Variants in KIAA1549L observed in about 807,000 individuals in gnomAD.
KIAA1549L encodes KIAA1549 like.
A neutral mutation model predicts 160.7 loss-of-function variants in KIAA1549L; 88 were observed. The observed-to-expected ratio is 0.55, with a 90% CI of 0.46 to 0.65. KIAA1549L has a LOEUF of 0.65. Ranked by LOEUF, KIAA1549L falls within the 30% of genes least tolerant of loss-of-function variation. KIAA1549L has a pLI of 0.00. For synonymous variants in KIAA1549L, 950 were observed against 976.7 expected, an observed-to-expected ratio of 0.97 and a Z score of 0.51; for missense variants, 2,258 against 2,437.5, an observed-to-expected ratio of 0.93 and a Z score of 1.55.
intron 1 of KIAA1549L, among the ~76,000 whole-genome samples, chr11:33,481,017 T>C (rs1852401122): frequency 6.6e-6 from 1 of 152,244 alleles, no homozygotes; most frequent in Admixed American, 6.5e-5. Flanking sequence ...TTTGTACTTA[T>C]TTTAGTTTAA....
intron 11 of KIAA1549L, among the ~76,000 whole-genome samples, chr11:33,588,110 T>G (rs897314501): frequency 6.6e-6 from 1 of 152,226 alleles, no homozygotes; most frequent in Non-Finnish European, 1.5e-5. Flanking sequence ...GAACTCATGA[T>G]AATACCTACC....
At chr11:33,478,483 A>G (rs1852340602) in intron 1 of KIAA1549L, among the ~76,000 whole-genome samples, 2 of 152,190 alleles carry the variant, frequency 1.3e-5, no homozygotes, top group South Asian at 4.1e-4. Context: ...CGGATTTCAG[A>G]GCTGATGGGC....
chr11:33,627,695 A>T (rs995743944), intron 16 of KIAA1549L, among the ~76,000 whole-genome samples: 5 of 152,158 alleles, frequency 3.3e-5, no homozygotes, highest in African/African-American at 1.2e-4. Context: ...TCTTGCTAAT[A>T]AACAAAATCT....
chr11:33,450,554 C>T (rs1851698902), intron 1 of KIAA1549L: 2 of 149,608 alleles, frequency 1.3e-5, no homozygotes, highest in Non-Finnish European at 2.9e-5. Context: ...AGTGAGACAC[C>T]CTGTCTCTTA....
At chr11:33,409,779 T>G (rs996687332) in intron 1 of KIAA1549L, among the ~76,000 whole-genome samples, 191 of 151,974 alleles carry the variant, frequency 1.3e-3, no homozygotes, top group Non-Finnish European at 2.1e-3. Flanking sequence ...TTTTTTTTTT[T>G]TTTTTCCTGC....
rs1296497123 is a variant in KIAA1549L, at chr11:33,376,254, G to C, written c.-398G>C. Among the ~76,000 whole-genome samples the C allele has an allele frequency of 6.7e-6, 1 of 148,644 alleles. No homozygotes were observed. Among genetic ancestry groups the C allele is most frequent in the African/African-American group, 2.4e-5 (1 of 40,924 alleles). On this transcript the variant is annotated 5_prime_UTR_variant, in exon 1 of 21. Coordinates refer to ENST00000658780, the MANE Select transcript of KIAA1549L (RefSeq NM_012194.3). The surrounding 1 kb of genome is among the most constrained non-coding windows in gnomAD (Gnocchi z 5.8). ...CCGAGGCTGCAGCGGCGGCGGGAGG[G>C]AGGGACCCGAGCGCGCCCCGCGGCC...
chr11:33,588,400 T>C (rs1565199937), intron 11 of KIAA1549L, among the ~76,000 whole-genome samples: 1 of 152,098 alleles, frequency 6.6e-6, no homozygotes, highest in Non-Finnish European at 1.5e-5. Context: ...GCCAAAGCAT[T>C]TGGGGAGACA....
At chr11:33,455,916 C>T (rs1197918042) in intron 1 of KIAA1549L, among the ~76,000 whole-genome samples, 4 of 152,174 alleles carry the variant, frequency 2.6e-5, no homozygotes, top group South Asian at 2.1e-4. Context: ...CATACATGTT[C>T]AGCTGAAATA....
At chr11:33,622,596 C>A (rs560685084) in intron 16 of KIAA1549L, among the ~76,000 whole-genome samples, 84 of 152,318 alleles carry the variant, frequency 5.5e-4, no homozygotes, top group African/African-American at 1.8e-3. Flanking sequence ...ACAAGTGCAT[C>A]TAACTGACAG....
intron 1 of KIAA1549L, among the ~76,000 whole-genome samples, chr11:33,501,004 AAAAC>A (rs1289911519): frequency 6.6e-5 from 10 of 152,182 alleles, no homozygotes; most frequent in African/African-American, 2.4e-4. Flanking sequence ...TTTCCAAAAA[AAAAC>A]CAAAGACATA....
intron 1 of KIAA1549L, among the ~76,000 whole-genome samples, chr11:33,505,664 C>T (rs1157550523): frequency 6.6e-6 from 1 of 152,158 alleles, no homozygotes; most frequent in Admixed American, 6.5e-5. Context: ...AGCAATGGGA[C>T]AGTTTCTTTC....
chr11:33,503,227 T>G (rs1317046597), intron 1 of KIAA1549L, among the ~76,000 whole-genome samples: 1 of 152,244 alleles, frequency 6.6e-6, no homozygotes, highest in Non-Finnish European at 1.5e-5. Flanking sequence ...TGTTCAGCAT[T>G]ATGTGTGTGA....
intron 1 of KIAA1549L, among the ~76,000 whole-genome samples, chr11:33,498,580 T>A (rs1852873153): frequency 1.3e-5 from 2 of 152,290 alleles, no homozygotes; most frequent in South Asian, 4.1e-4. Context: ...GCTTCTTACA[T>A]GGCAGCCGAC....
At chr11:33,561,793 TA>T (rs1467934799) in intron 8 of KIAA1549L, 58 bp downstream of exon 8, 8 of 1,243,266 alleles carry the variant, frequency 6.4e-6, no homozygotes, top group Non-Finnish European at 8.3e-6. Context: ...TTATTTTTTT[TA>T]AACTGTAGGC....
At chr11:33,422,802 G>A (rs148727080) in intron 1 of KIAA1549L, among the ~76,000 whole-genome samples, 2,516 of 152,020 alleles carry the variant, frequency 0.017, 34 homozygotes, top group African/African-American at 0.03. Context: ...GAAAAAAAAG[G>A]AAGGCTTATG....
intron 13 of KIAA1549L, among the ~76,000 whole-genome samples, chr11:33,604,809 AG>A (rs984894444): frequency 2.4e-4 from 36 of 152,110 alleles, no homozygotes; most frequent in Non-Finnish European, 4.6e-4. Context: ...GGAGAGGGTG[AG>A]GGGGGAGTGA....
At chr11:33,552,653 AACACACACAC>A (rs761358417) in intron 6 of KIAA1549L, among the ~76,000 whole-genome samples, 2,290 of 131,474 alleles carry the variant, frequency 0.017, 46 homozygotes, top group East Asian at 0.055. Context: ...GACACATGCC[AACACACACAC>A]ACACACACAC....
chr11:33,516,759 A>T (rs1174160135), intron 1 of KIAA1549L, among the ~76,000 whole-genome samples: 1 of 152,202 alleles, frequency 6.6e-6, no homozygotes, highest in African/African-American at 2.4e-5. Context: ...TGGCTGAAGA[A>T]TTGGCAACTT....
At chr11:33,509,335 C>A (rs1362774003) in intron 1 of KIAA1549L, among the ~76,000 whole-genome samples, 3 of 152,192 alleles carry the variant, frequency 2.0e-5, no homozygotes, top group Non-Finnish European at 4.4e-5. Context: ...TGTACTTGCT[C>A]CCTGCTTATT....
Sources: allele counts gnomAD v4.1 joint callset (sites outside exome capture counted in the v4.1 genomes callset), GRCh38; gene constraint gnomAD v4.1.1; non-coding constraint Gnocchi (gnomAD v3.1); transcripts MANE v1.5; gene names NCBI Gene and HGNC (gene_info 2026-07-23, HGNC 2026-07-21).